The following GPT variants were observed in gnomAD, a reference collection of about 807,000 sequenced individuals.
The protein encoded by GPT is alanine aminotransferase 1.
GPT carries 60 observed loss-of-function variants against 51.4 expected under a neutral mutation model. The observed-to-expected ratio is 1.17, with a 90% confidence interval of 0.95 to 1.45. The LOEUF is 1.45. GPT is among the 40% of genes most tolerant of loss of function. GPT has a pLI of 0.00. For missense variants in GPT, 853 were observed against 704.0 expected (o/e 1.21, Z -2.40); for synonymous variants, 397 against 303.1 (o/e 1.31, Z -3.22).
Position 144,504,845 on chromosome 8 carries a change from G to A in GPT, c.327G>A (p.Glu109=), listed in dbSNP as rs143779924. ...NFPDDAKKRA[E]RILQACGGHS... ...CTGACGATGCCAAGAAAAGGGCGGA[G>A]CGCATCTTGCAGGCGTGTGGGGGCC... is the stretch of plus-strand genomic sequence containing the variant. Residue 109 remains glutamate (E), a synonymous_variant, in exon 3 of 11, where the codon GAG becomes GAA. Transcript: ENST00000394955. The A allele has an allele frequency of 2.2e-4, 349 of 1,613,516 alleles. 1 individual carries two copies. Among genetic ancestry groups the A allele is most frequent in the Middle Eastern group, 2.0e-3 (12 of 6,062 alleles).
rs200508853 is a variant in GPT, at chr8:144,506,649, G to C, written c.1280G>C (p.Arg427Pro). 2 of 1,557,916 alleles carry C rather than the reference G, an allele frequency of 1.3e-6. No homozygotes were observed. The highest frequency in any genetic ancestry group is 1.4e-5 in the African/African-American group (1 of 73,836). Residue 427 changes from arginine (R) to proline (P), a missense_variant, in exon 9 of 11, where the codon CGC becomes CCC. Coordinates refer to ENST00000394955, the MANE Select transcript of GPT (RefSeq NM_005309.3). The surrounding 1 kb of genome is among the most constrained non-coding windows in gnomAD (Gnocchi z 7.0). ...CAGCTGCCCCCGCGGGCGGTGGAGC[G>C]CGCTCAGGTCAGGCGGGGGCGGGGC... Reference protein sequence around the residue: ...RVQLPPRAVERAQELGLAPDM... With the variant: ...RVQLPPRAVEPAQELGLAPDM...
In GPT at chr8:144,506,640, C is replaced by G; in HGVS notation, c.1271C>G (p.Ala424Gly). The change falls in exon 9 of 11, where the codon GCG becomes GGG. Residue 424 changes from alanine (A) to glycine (G), a missense_variant. Physicochemically the swap from Ala to Gly is moderately conservative, Grantham distance 60. Transcript: ENST00000394955. This position sits in a 1 kb window ranked among gnomAD's most constrained non-coding sequence, Gnocchi z 7.0. The stretch of plus-strand genomic sequence containing the variant: ...CCGCGCGTGCAGCTGCCCCCGCGGG[C>G]GGTGGAGCGCGCTCAGGTCAGGCGG... ...SFPRVQLPPR[A>G]VERAQELGLA... 1 of 1,262,838 alleles carries G rather than the reference C, an allele frequency of 7.9e-7. No individual in the cohort carries two copies. Among genetic ancestry groups the G allele is most frequent in the South Asian group, 1.2e-5 (1 of 80,388 alleles). The allele number at this position is 1,262,838 out of a possible 1,614,324, so 78.2% of individuals were successfully genotyped here.
At position 144,506,689 on chromosome 8, in the gene GPT, G is replaced by A. The variant is rs1186350721; in HGVS notation, c.1287+33G>A. 5 of 1,580,846 alleles carry A rather than the reference G, an allele frequency of 3.2e-6. No individual in the cohort carries two copies. The highest frequency in any genetic ancestry group is 1.7e-5 in the Admixed American group (1 of 57,378). On this transcript the variant is annotated intron_variant, in intron 9 of 10. Transcript: ENST00000394955. The surrounding 1 kb of genome is among the most constrained non-coding windows in gnomAD (Gnocchi z 7.0). ...GGGGGCGGGGCCTGCGGGGTGGGCAGGGGGGGCCGGGCATCCCTCTCTGAC... is the reference window on the plus strand; with the variant it reads ...GGGGGCGGGGCCTGCGGGGTGGGCAAGGGGGGCCGGGCATCCCTCTCTGAC...
In GPT at chr8:144,506,709, T is replaced by C. The variant is rs1053275309; in HGVS notation, c.1288-22T>C. On this transcript the variant is annotated intron_variant, in intron 9 of 10. Transcript: ENST00000394955. This position sits in a 1 kb window ranked among gnomAD's most constrained non-coding sequence, Gnocchi z 7.0. ...GGGCAGGGGGGGCCGGGCATCCCTC[T>C]CTGACGGCTCTCCGTCCACAGGAGC... The C allele has an allele frequency of 1.2e-6, 2 of 1,607,804 alleles. No homozygotes were observed. Among genetic ancestry groups the C allele is most frequent in the African/African-American group, 1.3e-5 (1 of 74,826 alleles).
In GPT at chr8:144,506,630, C is replaced by T. The variant is rs1826824063; in HGVS notation, c.1261C>T (p.Pro421Ser). 8.3e-6 allele frequency: 13 copies of T among 1,559,052 alleles called. No individual in the cohort carries two copies. In the East Asian group the frequency reaches 2.8e-4, roughly 34 times the overall value. ...GTACTCCTTCCCGCGCGTGCAGCTGCCCCCGCGGGCGGTGGAGCGCGCTCA... is the reference window on the plus strand; with the variant it reads ...GTACTCCTTCCCGCGCGTGCAGCTGTCCCCGCGGGCGGTGGAGCGCGCTCA... ...AMYSFPRVQLPPRAVERAQEL... is the reference protein window; with the variant it reads ...AMYSFPRVQLSPRAVERAQEL... Residue 421 changes from proline to serine, a missense_variant, in exon 9 of 11, where the codon CCC (proline) becomes TCC (serine). Pro to Ser is a moderately conservative substitution (Grantham distance 74). Transcript: ENST00000394955. This position sits in a 1 kb window ranked among gnomAD's most constrained non-coding sequence, Gnocchi z 7.0.
At chr8:144,504,094 C>G, upstream of GPT, 1 of 618,808 alleles carries the variant, frequency 1.6e-6, no homozygotes, top group Admixed American at 2.4e-5. Flanking sequence ...ACGGGTGGGG[C>G]GGGGCCCAAC....
intron 2 of GPT, 32 bp downstream of exon 2, chr8:144,504,725 C>G (rs201081960): frequency 1.2e-6 from 2 of 1,611,818 alleles, no homozygotes; most frequent in Non-Finnish European, 1.7e-6. Context: ...GAGCACCCCC[C>G]CACCCCCAGC....
At position 144,506,280 on chromosome 8, in the gene GPT, A is replaced by G. The variant is rs1826799427; in HGVS notation, c.1005A>G (p.Ala335=). 14 of 1,603,724 alleles carry G rather than the reference A, an allele frequency of 8.7e-6. No individual in the cohort carries two copies. Among genetic ancestry groups the G allele is most frequent in the Non-Finnish European group, 1.2e-5 (14 of 1,177,948 alleles). ...TGGAGGTGGTGAACATGGACGCTGCAGTGCAGCAGCAGATGCTGAAGCTGA... is the reference window on the plus strand; with the variant it reads ...TGGAGGTGGTGAACATGGACGCTGCGGTGCAGCAGCAGATGCTGAAGCTGA... ...GYVEVVNMDA[A]VQQQMLKLMS... Residue 335 remains alanine, a synonymous_variant, in exon 8 of 11, where the codon GCA becomes GCG. Transcript: ENST00000394955. This position sits in a 1 kb window ranked among gnomAD's most constrained non-coding sequence, Gnocchi z 7.0.
chr8:144,504,217 G>C lies in GPT; in HGVS notation c.-88G>C. 7.0e-7 allele frequency: 1 copy of C among 1,432,944 alleles called. No homozygotes were observed. The highest frequency in any genetic ancestry group is 9.5e-7 in the Non-Finnish European group (1 of 1,047,160). The allele number at this position is 1,432,944 out of a possible 1,614,324, so 88.8% of individuals were successfully genotyped here. A position where few individuals can be genotyped will look rare whatever the true frequency, so the allele number is the denominator to read the frequency against. The stretch of plus-strand genomic sequence containing the variant: ...CTACGGCTGCCCCCTCCCAGCCCTG[G>C]CCCACTAAGCCAGACCCAGCTGTCG... On this transcript the variant is annotated 5_prime_UTR_variant, in exon 1 of 11. Transcript: ENST00000394955.
In GPT at chr8:144,505,020, C is replaced by T. The variant is rs748706977; in HGVS notation, c.384C>T (p.Gly128=). ...HSLGAYSVSS[G]IQLIREDVAR... Reference sequence around the variant, plus strand: ...CAGGGGCCTACAGCGTCAGCTCCGGCATCCAGCTGATCCGGGAGGACGTGG... The same window carrying T: ...CAGGGGCCTACAGCGTCAGCTCCGGTATCCAGCTGATCCGGGAGGACGTGG... The change falls in exon 4 of 11, where the codon GGC becomes GGT. Residue 128 remains glycine, a synonymous_variant. Coordinates refer to ENST00000394955, the MANE Select transcript of GPT (RefSeq NM_005309.3). 6.2e-7 allele frequency: 1 copy of T among 1,613,134 alleles called. No individual in the cohort carries two copies. Among genetic ancestry groups the T allele is most frequent in the Non-Finnish European group, 8.5e-7 (1 of 1,179,996 alleles).
chr8:144,504,560 TTAGG>T, intron 1 of GPT, 40 bp from the exon 2 acceptor site: 1 of 1,607,982 alleles, frequency 6.2e-7, no homozygotes, highest in Non-Finnish European at 8.5e-7. Flanking sequence ...GGCTGAGGGG[TTAGG>T]TAGGGCACAG....
rs768349939 is a variant in GPT at position 144,505,894 on chromosome 8, C to T, written c.786C>T (p.Ala262=). 3.1e-6 allele frequency: 5 copies of T among 1,592,656 alleles called. No homozygotes were observed. The East Asian group carries it at 6.8e-5, about 22-fold the overall frequency. ...RECIEAVIRF[A]FEERLFLLAD... ...GCATCGAGGCCGTGATCCGCTTCGC[C>T]TTCGAAGAGCGGCTCTTTCTGCTGG... Residue 262 remains alanine, a synonymous_variant, in exon 6 of 11, where the codon GCC becomes GCT. Transcript: ENST00000394955.
At chr8:144,503,353 G>A (rs918303367), upstream of GPT, among the ~76,000 whole-genome samples, 7 of 152,294 alleles carry the variant, frequency 4.6e-5, no homozygotes, top group South Asian at 1.2e-3. Context: ...GGGCTCTGAC[G>A]GCCTATCCCA....
chr8:144,505,516 TC>T (rs1215349035), intron 5 of GPT, 27 bp downstream of exon 5: 1 of 1,088,574 alleles, frequency 9.2e-7, no homozygotes, highest in East Asian at 3.3e-5. Context: ...CCCGCCCCAC[TC>T]CCCCCGCGCC....
Position 144,505,249 on chromosome 8 carries a change from G to A in GPT, c.499G>A (p.Val167Met). 6.2e-7 allele frequency: 1 copy of A among 1,606,272 alleles called. No homozygotes were observed. The highest frequency in any genetic ancestry group is 8.5e-7 in the Non-Finnish European group (1 of 1,177,014). Residue 167 changes from valine (V) to methionine (M), a missense_variant, in exon 5 of 11, where the codon GTG becomes ATG. By Grantham distance (21) the Val-to-Met change is conservative (BLOSUM62 1). Coordinates refer to ENST00000394955, the MANE Select transcript of GPT (RefSeq NM_005309.3). ...GCCTTCCCCTTCCTTTCCGCAGACGGTGCTGAAGCTGCTGGTGGCCGGCGA... is the reference window on the plus strand; with the variant it reads ...GCCTTCCCCTTCCTTTCCGCAGACGATGCTGAAGCTGCTGGTGGCCGGCGA... ...STGASDAIVT[V>M]LKLLVAGEGH...
At chr8:144,503,306 G>A (rs1826623764), upstream of GPT, among the ~76,000 whole-genome samples, 1 of 152,192 alleles carries the variant, frequency 6.6e-6, no homozygotes, top group Non-Finnish European at 1.5e-5. Flanking sequence ...GGCCAGCGTG[G>A]AGCCTGGCCT....
Position 144,506,673 on chromosome 8 carries a change from G to C in GPT, c.1287+17G>C. On this transcript the variant is annotated intron_variant, in intron 9 of 10. Transcript: ENST00000394955. The surrounding 1 kb of genome is among the most constrained non-coding windows in gnomAD (Gnocchi z 7.0). Reference sequence around the variant, plus strand: ...CGCGCTCAGGTCAGGCGGGGGCGGGGCCTGCGGGGTGGGCAGGGGGGGCCG... The same window carrying C: ...CGCGCTCAGGTCAGGCGGGGGCGGGCCCTGCGGGGTGGGCAGGGGGGGCCG... 1 of 1,539,270 alleles carries C rather than the reference G, an allele frequency of 6.5e-7. No individual in the cohort carries two copies. Among genetic ancestry groups the C allele is most frequent in the Non-Finnish European group, 8.8e-7 (1 of 1,133,882 alleles).
intron 5 of GPT, 112 bp from the exon 6 acceptor site, chr8:144,505,736 C>G: frequency 1.0e-6 from 1 of 960,852 alleles, no homozygotes; most frequent in Non-Finnish European, 1.5e-6. Flanking sequence ...TCCTCCCGCA[C>G]CCACGTGCGC....
rs1292211792 is a variant in GPT, at chr8:144,506,419, C to A, written c.1131+13C>A. On this transcript the variant is annotated intron_variant, in intron 8 of 10. Transcript: ENST00000394955. The surrounding 1 kb of genome is among the most constrained non-coding windows in gnomAD (Gnocchi z 7.0). Reference sequence around the variant, plus strand: ...GCAGTTCCAGGCTGTGAGTTGGGGGCAGGAGGGGGTCCAGGTGACCTAATC... The same window carrying A: ...GCAGTTCCAGGCTGTGAGTTGGGGGAAGGAGGGGGTCCAGGTGACCTAATC... The A allele has an allele frequency of 1.2e-5, 19 of 1,560,410 alleles. No individual in the cohort carries two copies. The highest frequency in any genetic ancestry group is 1.6e-5 in the Non-Finnish European group (18 of 1,154,634).
Sources: allele counts gnomAD v4.1 joint callset (sites outside exome capture counted in the v4.1 genomes callset), GRCh38; gene constraint gnomAD v4.1.1; non-coding constraint Gnocchi (gnomAD v3.1); transcripts MANE v1.5; gene names NCBI Gene and HGNC (gene_info 2026-07-23, HGNC 2026-07-21).